RADX: variants seen among roughly 807,000 people sequenced by gnomAD.
RADX encodes the protein RPA1 related single stranded DNA binding protein, X-linked, also known as RPA-related protein RADX.
RADX carries 36 observed loss-of-function variants against 61.6 expected under a neutral mutation model. That is an observed-to-expected ratio of 0.58 (90% CI 0.45 to 0.77). The LOEUF (loss-of-function observed/expected upper bound fraction) is 0.77. RADX is among the 30% of genes least tolerant of loss of function. The pLI is 0.00. For missense variants in RADX, 497 were observed against 651.1 expected, an observed-to-expected ratio of 0.76 and a Z score of 2.58; for synonymous variants, 272 against 237.9, an observed-to-expected ratio of 1.14 and a Z score of -1.32.
intron 6 of RADX, among the ~76,000 whole-genome samples, chrX:106,635,042 A>G (rs948505378): frequency 8.9e-6 from 1 of 112,167 alleles, no homozygotes; most frequent in Non-Finnish European, 1.9e-5. Context: ...GGAAAAAATC[A>G]TTAAATTAAT....
chrX:106,632,905 A>T lies in RADX; in HGVS notation c.1089-27A>T, dbSNP rs758119934. The T allele has an allele frequency of 5.4e-6, 6 of 1,116,824 alleles. No individual in the cohort carries two copies. In the East Asian group the frequency reaches 9.0e-5, roughly 17 times the overall value. The allele number at this position is 1,116,824 out of a possible 1,213,427, so 92.0% of individuals were successfully genotyped here. On this transcript the variant is annotated intron_variant, in intron 4 of 13. Coordinates refer to ENST00000372548, the MANE Select transcript of RADX (RefSeq NM_018015.6). ...CTTTTTCACTGTTTAAAAATAAAAT[A>T]TTAATTTAGTGATTTTACCTTTTTA...
chrX:106,673,938 C>A (rs1928435771), intron 13 of RADX, among the ~76,000 whole-genome samples: 1 of 111,167 alleles, frequency 9.0e-6, no homozygotes, highest in African/African-American at 3.3e-5. Flanking sequence ...TCTGCTGTAA[C>A]AAGGGCAGCA....
At chrX:106,675,672 C>T (rs1052994146) in intron 13 of RADX, among the ~76,000 whole-genome samples, 9 of 112,099 alleles carry the variant, frequency 8.0e-5, no homozygotes, top group African/African-American at 2.9e-4. Flanking sequence ...ATAGTGTTGC[C>T]TTTGTCACAC....
chrX:106,655,495 G>A lies in RADX; in HGVS notation c.1979-6520G>A, dbSNP rs28829581. On this transcript the variant is annotated intron_variant, in intron 11 of 13. Coordinates refer to ENST00000372548, the MANE Select transcript of RADX (RefSeq NM_018015.6). ...TCCTAATGCTATCCCTCCCCCCACC[G>A]CCCACCCCATGACAGGCCCCAGTGC... Among the ~76,000 whole-genome samples, 104 of 101,353 alleles carry A rather than the reference G, an allele frequency of 1.0e-3. 1 individual carries two copies. The highest frequency in any genetic ancestry group is 3.5e-3 in the African/African-American group (98 of 27,757). The allele number at this position is 101,353 out of a possible 115,157, so 88.0% of individuals were successfully genotyped here. A position where few individuals can be genotyped will look rare whatever the true frequency, so the allele number is the denominator to read the frequency against.
chrX:106,615,415 A>AC (rs932456838), intron 1 of RADX, among the ~76,000 whole-genome samples: 17 of 108,449 alleles, frequency 1.6e-4, no homozygotes, highest in Non-Finnish European at 2.7e-4. Context: ...CGAATCTCTA[A>AC]CCCCCCTCCT....
intron 6 of RADX, among the ~76,000 whole-genome samples, chrX:106,634,140 C>CAT (rs971164229): frequency 4.9e-4 from 54 of 110,186 alleles, no homozygotes; most frequent in East Asian, 1.7e-3. Flanking sequence ...TATCTGTATA[C>CAT]ATATATATAT....
At chrX:106,634,224 C>A (rs766022461) in intron 6 of RADX, among the ~76,000 whole-genome samples, 1 of 111,402 alleles carries the variant, frequency 9.0e-6, no homozygotes, top group East Asian at 2.8e-4. Flanking sequence ...CAACCACTAC[C>A]TCCCAGGTTC....
chrX:106,677,114 G>A (rs1928531177), intron 13 of RADX, among the ~76,000 whole-genome samples: 1 of 111,911 alleles, frequency 8.9e-6, no homozygotes. Flanking sequence ...TCCAAACTGG[G>A]TAAAACAAAA....
chrX:106,651,909 TG>T (rs1927801586), intron 11 of RADX, among the ~76,000 whole-genome samples: 1 of 110,239 alleles, frequency 9.1e-6, no homozygotes, highest in Non-Finnish European at 1.9e-5. Context: ...GGGCTGGGCA[TG>T]GTGGCTTATG....
chrX:106,614,862 A>G (rs1926762697), intron 1 of RADX, among the ~76,000 whole-genome samples: 1 of 111,485 alleles, frequency 9.0e-6, no homozygotes, highest in African/African-American at 3.3e-5. Context: ...GTAAAAAAAA[A>G]AGGTTTTAAA....
intron 10 of RADX, among the ~76,000 whole-genome samples, chrX:106,644,591 C>A (rs1237096292): frequency 9.0e-5 from 10 of 111,063 alleles, no homozygotes; most frequent in African/African-American, 1.6e-4. Flanking sequence ...ATATGTTGAA[C>A]CATCTTGGCA....
chrX:106,678,240 T>G lies in RADX; in HGVS notation c.2550T>G (p.Ser850Arg). ...KVEVYLHKIY[S>R]PENTS Reference sequence around the variant, plus strand: ...AAGTCTATTTGCACAAGATTTATAGTCCAGAGAATACTTCTTAAAAGTTAG... The same window carrying G: ...AAGTCTATTTGCACAAGATTTATAGGCCAGAGAATACTTCTTAAAAGTTAG... Residue 850 changes from serine (S) to arginine (R), a missense_variant, in exon 14 of 14, where the codon AGT (serine) becomes AGG (arginine). By Grantham distance (110) the Ser-to-Arg change is moderately radical. Coordinates refer to ENST00000372548, the MANE Select transcript of RADX (RefSeq NM_018015.6). The G allele has an allele frequency of 7.7e-6, 9 of 1,163,117 alleles. No individual in the cohort carries two copies. The highest frequency in any genetic ancestry group is 1.1e-5 in the Non-Finnish European group (9 of 852,868).
chrX:106,650,800 A>G (rs1208335648), intron 11 of RADX, among the ~76,000 whole-genome samples: 3 of 111,802 alleles, frequency 2.7e-5, no homozygotes, highest in Admixed American at 1.9e-4. Flanking sequence ...ATATGTGAAA[A>G]AGGTATCCAC....
intron 1 of RADX, among the ~76,000 whole-genome samples, chrX:106,616,507 TC>T (rs1333479743): frequency 1.8e-5 from 2 of 112,314 alleles, no homozygotes; most frequent in Non-Finnish European, 3.8e-5. Flanking sequence ...TTCATATATT[TC>T]CTTGTTTATT....
At chrX:106,651,063 T>C (rs1052287305) in intron 11 of RADX, among the ~76,000 whole-genome samples, 4 of 111,008 alleles carry the variant, frequency 3.6e-5, no homozygotes, top group African/African-American at 1.3e-4. Context: ...CAAAATTGTA[T>C]ATATATAAAA....
chrX:106,628,925 G>A (rs944021331), intron 3 of RADX, among the ~76,000 whole-genome samples: 3 of 111,678 alleles, frequency 2.7e-5, no homozygotes, highest in African/African-American at 6.5e-5. Flanking sequence ...GTGAGCCGCC[G>A]CGCCTAGCCA....
intron 3 of RADX, among the ~76,000 whole-genome samples, chrX:106,632,324 C>G (rs1927255321): frequency 9.0e-6 from 1 of 111,503 alleles, no homozygotes; most frequent in Non-Finnish European, 1.9e-5. Flanking sequence ...TAATTTCACT[C>G]ATATGAAGTT....
chrX:106,625,795 CAT>C (rs1004399012), intron 3 of RADX, among the ~76,000 whole-genome samples: 61 of 111,036 alleles, frequency 5.5e-4, no homozygotes, highest in African/African-American at 1.2e-3. Flanking sequence ...CACACACACA[CAT>C]ACACACATAT....
rs372633270 is a variant in RADX, at chrX:106,633,221, G to A, written c.1272G>A (p.Ser424=). Residue 424 remains serine (S), a synonymous_variant, in exon 6 of 14, where the codon TCG becomes TCA. Coordinates refer to ENST00000372548, the MANE Select transcript of RADX (RefSeq NM_018015.6). ...QPFIVELFST[S]QPEIFENIYP... is the part of the protein sequence containing the mutation. ...TTATAGTGGAACTGTTTTCAACATC[G>A]CAGCCAGAAATCTTTGAAAATATTT... is the stretch of plus-strand genomic sequence containing the variant. 8.3e-6 allele frequency: 10 copies of A among 1,203,278 alleles called. No homozygotes were observed. Among genetic ancestry groups the A allele is most frequent in the South Asian group, 5.4e-5 (3 of 55,910 alleles).
Sources: gnomAD v4.1 joint callset for allele counts (sites outside exome capture counted in the v4.1 genomes callset) on GRCh38, gnomAD v4.1.1 for gene constraint, MANE v1.5 for transcripts, NCBI Gene and HGNC (gene_info 2026-07-23, HGNC 2026-07-21) for gene names.